Variants in MN1 observed in about 807,000 individuals in gnomAD.
MN1 encodes MN1 proto-oncogene, transcriptional regulator.
Under a neutral mutation model 86.9 loss-of-function variants are expected in MN1, and 19 were observed. The ratio of observed to expected loss-of-function variants is 0.22; its 90% CI spans 0.15 to 0.32. The LOEUF (loss-of-function observed/expected upper bound fraction) is 0.32. Among genes scored for constraint, MN1 ranks in the 10% least tolerant of loss-of-function variants. MN1 has a pLI of 1.00. For missense variants in MN1, 1,841 were observed against 1,862.0 expected (o/e 0.99, Z 0.21); for synonymous variants, 928 against 849.6 (o/e 1.09, Z -1.60).
chr22:27,782,218 AAGG>A (rs1481413447), intron 1 of MN1, among the ~76,000 whole-genome samples: 4 of 152,168 alleles, frequency 2.6e-5, no homozygotes, highest in Non-Finnish European at 5.9e-5. Context: ...TGCCCCGAAC[AAGG>A]AGAAGGTCTG....
At position 27,799,391 on chromosome 22, in the gene MN1, C is replaced by G. The variant is rs1286384611; in HGVS notation, c.1153G>C (p.Glu385Gln). 1.3e-6 allele frequency: 2 copies of G among 1,525,140 alleles called. No individual in the cohort carries two copies. The highest frequency in any genetic ancestry group is 1.8e-6 in the Non-Finnish European group (2 of 1,140,976). 94.5% of individuals were successfully genotyped at this position (1,525,140 alleles called of 1,614,324 possible). A position where few individuals can be genotyped will look rare whatever the true frequency, so the allele number is the denominator to read the frequency against. The stretch of plus-strand genomic sequence containing the variant: ...AGGCCGCCGCTGGGCGTGCCCGCCT[C>G]GCCCTGCTGGGGCCGAGGGAGCGCA... Reference protein sequence around the residue: ...PPALPRPQQGEAGTPSGGLQD... With the variant: ...PPALPRPQQGQAGTPSGGLQD... The change falls in exon 1 of 2, where the codon GAG (glutamate) becomes CAG (glutamine). Residue 385 changes from glutamate to glutamine, a missense_variant. Transcript: ENST00000302326.
intron 1 of MN1, among the ~76,000 whole-genome samples, chr22:27,764,660 T>C (rs985156061): frequency 3.9e-5 from 6 of 152,228 alleles, no homozygotes; most frequent in African/African-American, 1.4e-4. Flanking sequence ...AATCTGTCTG[T>C]GTCTTGGTTT....
intron 1 of MN1, among the ~76,000 whole-genome samples, chr22:27,795,065 G>A (rs553448477): frequency 3.4e-5 from 5 of 145,762 alleles, no homozygotes; most frequent in African/African-American, 1.0e-4. Context: ...TTTTAAAAAG[G>A]GGGGGAAAAA....
chr22:27,783,194 G>T (rs560194610), intron 1 of MN1, among the ~76,000 whole-genome samples: 1 of 151,494 alleles, frequency 6.6e-6, no homozygotes, highest in African/African-American at 2.4e-5. Flanking sequence ...GAGTGCAGTG[G>T]TGTGATCTTG....
In MN1 at chr22:27,798,173, A is replaced by T. The variant is rs1252850630; in HGVS notation, c.2371T>A (p.Phe791Ile). Residue 791 changes from phenylalanine (F) to isoleucine (I), a missense_variant, in exon 1 of 2, where the codon TTC becomes ATC. Physicochemically the swap from Phe to Ile is conservative, Grantham distance 21 (BLOSUM62 0). Coordinates refer to ENST00000302326, the MANE Select transcript of MN1 (RefSeq NM_002430.3). Reference protein sequence around the residue: ...GGGAYPPQPDFQPSQRTSASK... With the variant: ...GGGAYPPQPDIQPSQRTSASK... ...GCCGAGGTGCGCTGGCTGGGCTGGA[A>T]ATCAGGCTGCGGCGGGTAGGCACCC... The T allele has an allele frequency of 6.3e-7, 1 of 1,577,334 alleles. No individual in the cohort carries two copies. Among genetic ancestry groups the T allele is most frequent in the South Asian group, 1.2e-5 (1 of 86,482 alleles).
At position 27,798,771 on chromosome 22, in the gene MN1, A is replaced by G; in HGVS notation, c.1773T>C (p.His591=). Residue 591 remains histidine (H), a synonymous_variant, in exon 1 of 2, where the codon CAT becomes CAC. Coordinates refer to ENST00000302326, the MANE Select transcript of MN1 (RefSeq NM_002430.3). ...PGDVGQGGLV[H]GGPVGGLAQP... ...GGGCCAAGCCGCCCACCGGGCCGCCATGCACCAGGCCGCCCTGGCCCACGT... is the reference window on the plus strand; with the variant it reads ...GGGCCAAGCCGCCCACCGGGCCGCCGTGCACCAGGCCGCCCTGGCCCACGT... 6.5e-7 allele frequency: 1 copy of G among 1,534,798 alleles called. No homozygotes were observed. Among genetic ancestry groups the G allele is most frequent in the Non-Finnish European group, 8.7e-7 (1 of 1,145,758 alleles).
intron 1 of MN1, among the ~76,000 whole-genome samples, chr22:27,769,301 T>C (rs766137067): frequency 6.6e-5 from 10 of 152,122 alleles, no homozygotes; most frequent in Non-Finnish European, 1.3e-4. Flanking sequence ...ATCTGACCTA[T>C]TGCAATCACA....
chr22:27,776,334 T>C (rs1932978219), intron 1 of MN1, among the ~76,000 whole-genome samples: 1 of 152,166 alleles, frequency 6.6e-6, no homozygotes, highest in Admixed American at 6.5e-5. Flanking sequence ...ATAAGGAATT[T>C]ATCAAATGAG....
rs577131980 is a variant in MN1 at position 27,776,891 on chromosome 22, A to C, written c.3781+19872T>G. Among the ~76,000 whole-genome samples the C allele has an allele frequency of 7.7e-4, 117 of 152,208 alleles. 1 individual carries two copies. Among genetic ancestry groups the C allele is most frequent in the Admixed American group, 2.0e-3 (30 of 15,290 alleles). The stretch of plus-strand genomic sequence containing the variant: ...CGATTGTTCCAGAAATGAAAGGGAG[A>C]GAAGAAAAAGGAGAGGAGGGGGAGC... On this transcript the variant is annotated intron_variant, in intron 1 of 1. Coordinates refer to ENST00000302326, the MANE Select transcript of MN1 (RefSeq NM_002430.3).
chr22:27,795,119 T>A lies in MN1; in HGVS notation c.3781+1644A>T, dbSNP rs544865945. Among the ~76,000 whole-genome samples, 12 of 152,184 alleles carry A rather than the reference T, an allele frequency of 7.9e-5. 1 individual carries two copies. In the East Asian group the frequency reaches 2.3e-3, roughly 29 times the overall value. ...GTCCCAAACTAACCAATTTATGGCC[T>A]TGCCTGGGAGAAGCCTGGAGAATGC... On this transcript the variant is annotated intron_variant, in intron 1 of 1. Transcript: ENST00000302326.
At chr22:27,779,103 C>T (rs1009853452) in intron 1 of MN1, among the ~76,000 whole-genome samples, 2 of 152,162 alleles carry the variant, frequency 1.3e-5, no homozygotes, top group Non-Finnish European at 2.9e-5. Context: ...CCCTCCTACA[C>T]CTCAGGGGCC....
chr22:27,766,567 G>A (rs1932871590), intron 1 of MN1, among the ~76,000 whole-genome samples: 1 of 152,148 alleles, frequency 6.6e-6, no homozygotes. Context: ...CTCTCAGAAG[G>A]ATTTGCCAGA....
rs1932922601 is a variant in MN1, at chr22:27,772,126, TG to T, written c.3782-21031del. ...CGGCCCTCCCTAGTCCTCCCTGTCTTGGGGAGAAATCGCTGCTGTGGGTTTA... is the reference window on the plus strand; with the variant it reads ...CGGCCCTCCCTAGTCCTCCCTGTCTTGGGAGAAATCGCTGCTGTGGGTTTA... On this transcript the variant is annotated intron_variant, in intron 1 of 1. Coordinates refer to ENST00000302326, the MANE Select transcript of MN1 (RefSeq NM_002430.3). Among the ~76,000 whole-genome samples, 11 of 152,304 alleles carry T rather than the reference TG, an allele frequency of 7.2e-5. No homozygotes were observed. In the South Asian group the frequency reaches 2.3e-3, roughly 32 times the overall value.
Position 27,797,314 on chromosome 22 carries a change from A to T in MN1, c.3230T>A (p.Leu1077Gln). Residue 1077 changes from leucine (L) to glutamine (Q), a missense_variant, in exon 1 of 2, where the codon CTG (leucine) becomes CAG (glutamine). By Grantham distance (113) the Leu-to-Gln change is moderately radical. Transcript: ENST00000302326. ...QALVKASRSP[L>Q]VTGSPKLPPR... ...AGGGAGTTTGGGCGAGCCGGTCACC[A>T]GGGGACTCCTGCTCGCTTTAACTAG... The T allele has an allele frequency of 6.2e-7, 1 of 1,601,986 alleles. No individual in the cohort carries two copies. Among genetic ancestry groups the T allele is most frequent in the African/African-American group, 1.3e-5 (1 of 75,014 alleles).
At chr22:27,770,498 G>A (rs1932905173) in intron 1 of MN1, among the ~76,000 whole-genome samples, 1 of 152,110 alleles carries the variant, frequency 6.6e-6, no homozygotes, top group Non-Finnish European at 1.5e-5. Flanking sequence ...GTGTGACTTT[G>A]GACAAGGCAC....
intron 1 of MN1, among the ~76,000 whole-genome samples, chr22:27,790,350 G>A (rs886606573): frequency 1.3e-5 from 2 of 152,252 alleles, no homozygotes; most frequent in Admixed American, 6.5e-5. Context: ...ACCCAGGTGA[G>A]GCTGCATGCT....
intron 1 of MN1, among the ~76,000 whole-genome samples, chr22:27,767,978 TG>T (rs1404855945): frequency 6.6e-6 from 1 of 152,042 alleles, no homozygotes; most frequent in Non-Finnish European, 1.5e-5. Flanking sequence ...TTCAGAGACG[TG>T]GGGTGACTTG....
At chr22:27,789,145 T>C (rs1263148854) in intron 1 of MN1, among the ~76,000 whole-genome samples, 1 of 152,214 alleles carries the variant, frequency 6.6e-6, no homozygotes, top group East Asian at 1.9e-4. Context: ...GACATGACCA[T>C]GGCCATATAC....
intron 1 of MN1, among the ~76,000 whole-genome samples, chr22:27,767,569 A>G (rs1226129471): frequency 4.6e-5 from 7 of 152,100 alleles, no homozygotes; most frequent in African/African-American, 1.4e-4. Context: ...AGTGCCAGCA[A>G]TTTCCTCCTG....
Sources: gnomAD v4.1 joint callset for allele counts (sites outside exome capture counted in the v4.1 genomes callset) on GRCh38, gnomAD v4.1.1 for gene constraint, MANE v1.5 for transcripts, NCBI Gene and HGNC (gene_info 2026-07-23, HGNC 2026-07-21) for gene names.